Variants in BLK observed in about 807,000 individuals in gnomAD.
The protein encoded by BLK is BLK proto-oncogene, Src family tyrosine kinase, also known as tyrosine-protein kinase Blk.
Under a neutral mutation model 61.8 loss-of-function variants are expected in BLK, and 64 were observed. The ratio of observed to expected loss-of-function variants is 1.03; its 90% CI spans 0.85 to 1.27. The LOEUF is 1.27. Among genes scored for constraint, BLK ranks in the 50% most tolerant of loss-of-function variants. BLK has a pLI of 0.00. For synonymous variants in BLK, 351 were observed against 272.0 expected (o/e 1.29, Z -2.86); for missense variants, 853 against 660.5 (o/e 1.29, Z -3.19).
At chr8:11,536,489 C>G (rs754529613) in intron 1 of BLK, among the ~76,000 whole-genome samples, 7 of 152,214 alleles carry the variant, frequency 4.6e-5, no homozygotes, top group Non-Finnish European at 1.0e-4. Context: ...CTCCTGGTTT[C>G]AAGCGATTCT....
At chr8:11,518,477 C>G (rs539047856) in intron 1 of BLK, among the ~76,000 whole-genome samples, 1 of 152,114 alleles carries the variant, frequency 6.6e-6, no homozygotes. Flanking sequence ...AGGGGTGTCT[C>G]TCTCCCTTGC....
chr8:11,496,902 G>C (rs1273637934), intron 1 of BLK, among the ~76,000 whole-genome samples: 1 of 152,172 alleles, frequency 6.6e-6, no homozygotes, highest in African/African-American at 2.4e-5. Flanking sequence ...GATCCCATTT[G>C]AGTGAGGATT....
At chr8:11,500,099 C>T (rs1366896848) in intron 1 of BLK, among the ~76,000 whole-genome samples, 1 of 152,168 alleles carries the variant, frequency 6.6e-6, no homozygotes, top group Non-Finnish European at 1.5e-5. Context: ...AGGGAGCCAA[C>T]CTGCAGTCAA....
intron 1 of BLK, among the ~76,000 whole-genome samples, chr8:11,514,246 G>A (rs1036626288): frequency 2.6e-5 from 4 of 152,196 alleles, no homozygotes; most frequent in African/African-American, 9.7e-5. Flanking sequence ...TGAAAGACAG[G>A]ACTCAGCAAA....
chr8:11,504,728 C>T lies in BLK; in HGVS notation c.-2+10137C>T, dbSNP rs576884897. The stretch of plus-strand genomic sequence containing the variant: ...GGTCTAAGCGACTGAGGAGTGTGCC[C>T]CCTGTTCCCACCCTTGAGATGAGGC... On this transcript the variant is annotated intron_variant, in intron 1 of 12. Transcript: ENST00000259089. 4.6e-5 allele frequency among the ~76,000 whole-genome samples: 7 copies of T among 152,278 alleles called. No homozygotes were observed. The South Asian group carries it at 6.2e-4, about 14-fold the overall frequency.
chr8:11,564,022 G>A lies in BLK; in HGVS notation c.1432G>A (p.Glu478Lys), dbSNP rs1280998024. ...VIAECWRSRP[E>K]ERPTFEFLQS... ...CGCCGAGTGCTGGCGCAGCCGGCCC[G>A]AGGAGCGGCCCACCTTCGAGTTCCT... Residue 478 changes from glutamate to lysine, a missense_variant, in exon 13 of 13, where the codon GAG becomes AAG. By Grantham distance (56) the Glu-to-Lys change is moderately conservative. Transcript: ENST00000259089. 6.2e-7 allele frequency: 1 copy of A among 1,604,758 alleles called. No individual in the cohort carries two copies. Among genetic ancestry groups the A allele is most frequent in the Non-Finnish European group, 8.5e-7 (1 of 1,178,900 alleles).
chr8:11,522,563 C>T (rs1205188502), intron 1 of BLK, among the ~76,000 whole-genome samples: 1 of 151,698 alleles, frequency 6.6e-6, no homozygotes, highest in Non-Finnish European at 1.5e-5. Flanking sequence ...ATGTGCAAAA[C>T]AGGGAATGTA....
chr8:11,530,542 G>A (rs560896076), intron 1 of BLK, among the ~76,000 whole-genome samples: 2 of 152,340 alleles, frequency 1.3e-5, no homozygotes, highest in African/African-American at 4.8e-5. Flanking sequence ...ACTTACTCAA[G>A]TAACTATATT....
intron 1 of BLK, among the ~76,000 whole-genome samples, chr8:11,502,208 C>T (rs1798589324): frequency 6.6e-6 from 1 of 152,022 alleles, no homozygotes; most frequent in Admixed American, 6.5e-5. Context: ...GTATTTATAA[C>T]CTTTGTTTTA....
chr8:11,536,759 C>G (rs1424794429), intron 1 of BLK, among the ~76,000 whole-genome samples: 1 of 152,114 alleles, frequency 6.6e-6, no homozygotes, highest in Non-Finnish European at 1.5e-5. Context: ...TAGTTTTCAT[C>G]TAAAAAAATC....
At chr8:11,527,609 T>G (rs2736364) in intron 1 of BLK, among the ~76,000 whole-genome samples, 101,603 of 151,480 alleles carry the variant, frequency 0.67, 34,770 homozygotes, top group East Asian at 0.97. Flanking sequence ...GTGGGCAGGG[T>G]AATAGATAAT....
In BLK at chr8:11,550,215, T is replaced by C. The variant is rs1473604016; in HGVS notation, c.425T>C (p.Ile142Thr). 1 of 1,614,028 alleles carries C rather than the reference T, an allele frequency of 6.2e-7. No homozygotes were observed. Among genetic ancestry groups the C allele is most frequent in the Admixed American group, 1.7e-5 (1 of 60,020 alleles). The change falls in exon 6 of 13, where the codon ATC becomes ACC. Residue 142 changes from isoleucine (I) to threonine (T), a missense_variant. Physicochemically the swap from Ile to Thr is moderately conservative, Grantham distance 89. Coordinates refer to ENST00000259089, the MANE Select transcript of BLK (RefSeq NM_001715.3). ...KEAERQLLAPINKAGSFLIRE... is the reference protein window; with the variant it reads ...KEAERQLLAPTNKAGSFLIRE... ...GCTGAGAGGCAGCTTCTTGCTCCAATCAACAAGGCCGGCTCCTTTCTTATC... is the reference window on the plus strand; with the variant it reads ...GCTGAGAGGCAGCTTCTTGCTCCAACCAACAAGGCCGGCTCCTTTCTTATC...
chr8:11,560,726 C>T (rs1417880579), intron 10 of BLK: 6 of 398,864 alleles, frequency 1.5e-5, no homozygotes, highest in East Asian at 7.3e-5. Flanking sequence ...ACGGGGCAGG[C>T]GCTGGGTGAG....
Position 11,494,456 on chromosome 8 carries a change from GAGA to G in BLK, c.-132_-130del, listed in dbSNP as rs1005526188. The G allele has an allele frequency of 6.6e-6, 1 of 152,284 alleles. No homozygotes were observed. The highest frequency in any genetic ancestry group is 2.4e-5 in the African/African-American group (1 of 41,460). 9.4% of individuals were successfully genotyped at this position (152,284 alleles called of 1,614,324 possible). A position where few individuals can be genotyped will look rare whatever the true frequency, so the allele number is the denominator to read the frequency against. On this transcript the variant is annotated 5_prime_UTR_variant, in exon 1 of 13. Coordinates refer to ENST00000259089, the MANE Select transcript of BLK (RefSeq NM_001715.3). ...ACAAGCCATGAAAACTGATTGAGAT[GAGA>G]AGAATTCATCTGGGACTGGCTTTTG...
chr8:11,501,093 C>G (rs1423504581), intron 1 of BLK, among the ~76,000 whole-genome samples: 1 of 152,046 alleles, frequency 6.6e-6, no homozygotes, highest in Non-Finnish European at 1.5e-5. Context: ...CCTGTAATCC[C>G]AGCTACTCAG....
chr8:11,521,739 G>A (rs1276674336), intron 1 of BLK, among the ~76,000 whole-genome samples: 2 of 152,314 alleles, frequency 1.3e-5, no homozygotes, highest in Admixed American at 6.5e-5. Context: ...TCCCCGGCAT[G>A]TGCATGAGGG....
At chr8:11,500,099 C>A (rs1366896848) in intron 1 of BLK, among the ~76,000 whole-genome samples, 1 of 152,168 alleles carries the variant, frequency 6.6e-6, no homozygotes, top group South Asian at 2.1e-4. Context: ...AGGGAGCCAA[C>A]CTGCAGTCAA....
chr8:11,555,737 C>A, intron 8 of BLK: 1 of 575,438 alleles, frequency 1.7e-6, no homozygotes, highest in Non-Finnish European at 3.1e-6. Flanking sequence ...AAGTCGCTCC[C>A]TCCTTCGTTC....
chr8:11,526,071 C>T lies in BLK; in HGVS notation c.-1-17153C>T, dbSNP rs138820307. On this transcript the variant is annotated intron_variant, in intron 1 of 12. Coordinates refer to ENST00000259089, the MANE Select transcript of BLK (RefSeq NM_001715.3). Reference sequence around the variant, plus strand: ...TACAGGTGTGAGCCACCGCACCCAGCTGCAGCTTTTGTTTTTAAACATTCT... The same window carrying T: ...TACAGGTGTGAGCCACCGCACCCAGTTGCAGCTTTTGTTTTTAAACATTCT... Among the ~76,000 whole-genome samples the T allele has an allele frequency of 7.2e-5, 11 of 152,330 alleles. No homozygotes were observed. The East Asian group carries it at 1.9e-3, about 27-fold the overall frequency.
Sources: allele counts gnomAD v4.1 joint callset (sites outside exome capture counted in the v4.1 genomes callset), GRCh38; gene constraint gnomAD v4.1.1; transcripts MANE v1.5; gene names NCBI Gene and HGNC (gene_info 2026-07-23, HGNC 2026-07-21).